The following MAPK14 variants were observed in gnomAD, a reference collection of about 807,000 sequenced individuals.
The protein encoded by MAPK14 is CSAID-binding protein.
MAPK14 carries 16 observed loss-of-function variants against 49.6 expected under a neutral mutation model. The ratio of observed to expected loss-of-function variants is 0.32; its 90% confidence interval spans 0.22 to 0.49. MAPK14 has a LOEUF of 0.49. Among genes scored for constraint, MAPK14 ranks in the 20% least tolerant of loss-of-function variants. MAPK14 has a pLI of 0.99. For synonymous variants in MAPK14, 142 were observed against 158.0 expected (o/e 0.90, Z 0.76); for missense variants, 200 against 441.2 (o/e 0.45, Z 4.90).
intron 1 of MAPK14, among the ~76,000 whole-genome samples, chr6:36,036,380 A>C (rs1762752740): frequency 1.3e-5 from 2 of 152,202 alleles, no homozygotes; most frequent in African/African-American, 4.8e-5. Context: ...AATGACAACA[A>C]AGGGTTTAGA....
At chr6:36,071,935 C>T (rs972391229) in intron 3 of MAPK14, among the ~76,000 whole-genome samples, 1 of 152,252 alleles carries the variant, frequency 6.6e-6, no homozygotes, top group Middle Eastern at 3.4e-3. Context: ...ACACTCCTGC[C>T]TCAGCCTCCC....
At chr6:36,062,487 TA>T (rs1386175471) in intron 3 of MAPK14, among the ~76,000 whole-genome samples, 1 of 152,076 alleles carries the variant, frequency 6.6e-6, no homozygotes, top group African/African-American at 2.4e-5. Flanking sequence ...ACAAAACAAG[TA>T]AACAAACGAA....
intron 1 of MAPK14, among the ~76,000 whole-genome samples, chr6:36,044,030 G>A (rs1030750019): frequency 2.6e-5 from 4 of 151,624 alleles, no homozygotes; most frequent in Non-Finnish European, 4.4e-5. Context: ...GGCTGGTCGC[G>A]AATACCCAAC....
In MAPK14 at chr6:36,110,680, G is replaced by T. The variant is rs996501936; in HGVS notation, c.*2233G>T. The T allele has an allele frequency of 2.0e-5, 3 of 152,340 alleles. No individual in the cohort carries two copies. Among genetic ancestry groups the T allele is most frequent in the Admixed American group, 2.0e-4 (3 of 15,284 alleles). 9.4% of individuals were successfully genotyped at this position (152,340 alleles called of 1,614,324 possible). The stretch of plus-strand genomic sequence containing the variant: ...AAATTGCTATTTTATTTGTATTCAT[G>T]AACTTGGCTGTAATCAGTTATGCCG... On this transcript the variant is annotated 3_prime_UTR_variant, in exon 12 of 12. Transcript: ENST00000229794.
At chr6:36,042,319 G>T (rs547363186) in intron 1 of MAPK14, among the ~76,000 whole-genome samples, 42 of 152,096 alleles carry the variant, frequency 2.8e-4, no homozygotes, top group African/African-American at 9.4e-4. Flanking sequence ...ATTGGTCTTG[G>T]TGGAGTGTAA....
At chr6:36,042,573 C>T (rs771063011) in intron 1 of MAPK14, among the ~76,000 whole-genome samples, 2 of 148,562 alleles carry the variant, frequency 1.3e-5, no homozygotes, top group Admixed American at 6.8e-5. Flanking sequence ...CTCACTGCAG[C>T]CTTGAACTCC....
At chr6:36,066,253 A>C (rs550478230) in intron 3 of MAPK14, among the ~76,000 whole-genome samples, 3 of 152,272 alleles carry the variant, frequency 2.0e-5, no homozygotes, top group African/African-American at 7.2e-5. Context: ...TTTTGGCTCT[A>C]AACCTATTTC....
At chr6:36,123,826 T>C in the MAPK14 span, among the ~76,000 whole-genome samples, 1 of 151,500 alleles carries the variant, frequency 6.6e-6, no homozygotes, top group African/African-American at 2.4e-5. Context: ...CTTTGTAGGG[T>C]GGAGTGGAGG....
At chr6:36,066,533 G>T (rs1764064354) in intron 3 of MAPK14, among the ~76,000 whole-genome samples, 1 of 151,944 alleles carries the variant, frequency 6.6e-6, no homozygotes. Context: ...AAGCTTAGTG[G>T]AGAAAAGCCT....
chr6:36,078,979 A>T (rs1197187739), intron 8 of MAPK14, among the ~76,000 whole-genome samples: 1 of 152,130 alleles, frequency 6.6e-6, no homozygotes, highest in Admixed American at 6.5e-5. Context: ...CACCCCAAAG[A>T]CTCCATTTTG....
chr6:36,063,366 T>G (rs1029273303), intron 3 of MAPK14, among the ~76,000 whole-genome samples: 61 of 152,258 alleles, frequency 4.0e-4, no homozygotes, highest in African/African-American at 1.4e-3. Context: ...GGTGGGCAGA[T>G]CACTTGAGCC....
At chr6:36,049,668 CTT>C (rs1763319094) in intron 1 of MAPK14, among the ~76,000 whole-genome samples, 1 of 152,132 alleles carries the variant, frequency 6.6e-6, no homozygotes, top group Non-Finnish European at 1.5e-5. Flanking sequence ...TAAGGGAAGT[CTT>C]TTGTTTGTTG....
chr6:36,038,591 A>G (rs1488729016), intron 1 of MAPK14, among the ~76,000 whole-genome samples: 1 of 152,196 alleles, frequency 6.6e-6, no homozygotes. Context: ...ATTCTACCCT[A>G]AACCACTACT....
At chr6:36,081,042 C>T (rs1470329271) in intron 8 of MAPK14, among the ~76,000 whole-genome samples, 2 of 151,976 alleles carry the variant, frequency 1.3e-5, no homozygotes, top group African/African-American at 4.8e-5. Flanking sequence ...TTTTGTTGTT[C>T]AGTGGTGGTT....
At chr6:36,095,171 A>T (rs750936732) in intron 8 of MAPK14, among the ~76,000 whole-genome samples, 1 of 152,356 alleles carries the variant, frequency 6.6e-6, no homozygotes, top group East Asian at 1.9e-4. Context: ...ATGCACATAC[A>T]TTCTGAGTAT....
At position 36,110,059 on chromosome 6, in the gene MAPK14, CAG is replaced by C. The variant is rs1019238460; in HGVS notation, c.*1613_*1614del. 3.9e-5 allele frequency: 6 copies of C among 152,174 alleles called. No homozygotes were observed. Among genetic ancestry groups the C allele is most frequent in the Non-Finnish European group, 7.4e-5 (5 of 68,014 alleles). The allele number at this position is 152,174 out of a possible 1,614,324, so 9.4% of individuals were successfully genotyped here. A position where few individuals can be genotyped will look rare whatever the true frequency, so the allele number is the denominator to read the frequency against. On this transcript the variant is annotated 3_prime_UTR_variant, in exon 12 of 12. Coordinates refer to ENST00000229794, the MANE Select transcript of MAPK14 (RefSeq NM_139012.3). ...CAACTTTATAAAGATAAAATATCCT[CAG>C]GGGTGGAGAAGTGTCGTTTTCATAA... is the stretch of plus-strand genomic sequence containing the variant.
In MAPK14 at chr6:36,073,424, A is replaced by G. The variant is rs7738653; in HGVS notation, c.418-267A>G. Among the ~76,000 whole-genome samples the G allele has an allele frequency of 3.9e-3, 600 of 152,342 alleles. 4 individuals carry two copies. Among genetic ancestry groups the G allele is most frequent in the African/African-American group, 0.014 (565 of 41,586 alleles). ...TAAACAGTGTTTTAAAATTAAACCC[A>G]TCTTTGATATTTAGCTGCTTTGAGT... On this transcript the variant is annotated intron_variant, in intron 4 of 11. Coordinates refer to ENST00000229794, the MANE Select transcript of MAPK14 (RefSeq NM_139012.3).
intron 6 of MAPK14, among the ~76,000 whole-genome samples, chr6:36,074,469 A>G (rs960425585): frequency 1.7e-4 from 26 of 152,362 alleles, no homozygotes; most frequent in Middle Eastern, 3.4e-3. Context: ...TAAGTGAATT[A>G]ATTGTTTCTA....
At chr6:36,060,503 A>C (rs1763774730) in intron 3 of MAPK14, among the ~76,000 whole-genome samples, 2 of 152,220 alleles carry the variant, frequency 1.3e-5, no homozygotes, top group African/African-American at 4.8e-5. Context: ...GGAGAGTGTT[A>C]CTATTATGAA....
Sources: gnomAD v4.1 joint callset for allele counts (sites outside exome capture counted in the v4.1 genomes callset) on GRCh38, gnomAD v4.1.1 for gene constraint, MANE v1.5 for transcripts, NCBI Gene and HGNC (gene_info 2026-07-23, HGNC 2026-07-21) for gene names.